The following AUTS2 variants were observed in gnomAD, a reference collection of about 807,000 sequenced individuals.
AUTS2 encodes the protein autism susceptibility gene 2 protein.
A neutral mutation model predicts 112.4 loss-of-function variants in AUTS2; 17 were observed. The ratio of observed to expected loss-of-function variants is 0.15; its 90% CI spans 0.10 to 0.23. AUTS2 has a LOEUF of 0.23. Among genes scored for constraint, AUTS2 ranks in the 10% least tolerant of loss-of-function variants. AUTS2 has a pLI of 1.00. For synonymous variants in AUTS2, 751 were observed against 702.7 expected, an observed-to-expected ratio of 1.07 and a Z score of -1.09; for missense variants, 1,510 against 1,701.6, an observed-to-expected ratio of 0.89 and a Z score of 1.98.
chr7:70,660,176 C>CA (rs893225793), intron 5 of AUTS2, among the ~76,000 whole-genome samples: 266 of 127,490 alleles, frequency 2.1e-3, no homozygotes, highest in Admixed American at 4.5e-3. Context: ...GACTCTGTCT[C>CA]AAAAAAAAAA....
intron 2 of AUTS2, among the ~76,000 whole-genome samples, chr7:70,043,191 G>T (rs1234603109): frequency 6.6e-6 from 1 of 151,988 alleles, no homozygotes; most frequent in South Asian, 2.1e-4. Context: ...GCATAAATGG[G>T]GCAGGTCCAT....
intron 5 of AUTS2, among the ~76,000 whole-genome samples, chr7:70,496,767 C>CACAT (rs1798545643): frequency 6.9e-6 from 1 of 144,470 alleles, no homozygotes; most frequent in African/African-American, 2.6e-5. Flanking sequence ...CCCACTCACA[C>CACAT]CACGTACACA....
intron 2 of AUTS2, among the ~76,000 whole-genome samples, chr7:70,042,025 C>T (rs992735417): frequency 2.0e-5 from 3 of 151,960 alleles, no homozygotes; most frequent in Admixed American, 1.3e-4. Flanking sequence ...ACTTAATGGC[C>T]TCCTTGTAAG....
chr7:70,587,218 G>C (rs1802728118), intron 5 of AUTS2, among the ~76,000 whole-genome samples: 1 of 152,102 alleles, frequency 6.6e-6, no homozygotes, highest in Non-Finnish European at 1.5e-5. Context: ...GCTGGAACAA[G>C]AGGAACATAC....
At chr7:69,914,098 T>C (rs1461694777) in intron 2 of AUTS2, among the ~76,000 whole-genome samples, 1 of 152,134 alleles carries the variant, frequency 6.6e-6, no homozygotes, top group East Asian at 1.9e-4. Flanking sequence ...TTTATAATTA[T>C]AGATTTTTCT....
At chr7:69,760,425 A>G (rs1258714381) in intron 1 of AUTS2, among the ~76,000 whole-genome samples, 8 of 152,058 alleles carry the variant, frequency 5.3e-5, no homozygotes. Flanking sequence ...GGACTTCTTT[A>G]ATATATTTAA....
At chr7:70,582,280 C>G (rs1802487323) in intron 5 of AUTS2, among the ~76,000 whole-genome samples, 2 of 152,174 alleles carry the variant, frequency 1.3e-5, no homozygotes, top group Admixed American at 1.3e-4. Context: ...CGCACTCTTT[C>G]CTCCATCCAC....
chr7:69,992,778 A>C (rs1485142104), intron 2 of AUTS2, among the ~76,000 whole-genome samples: 3 of 152,132 alleles, frequency 2.0e-5, no homozygotes, highest in African/African-American at 7.2e-5. Flanking sequence ...CCAGCTACTT[A>C]GGAGGCTGTG....
At chr7:70,051,307 G>A (rs1179392883) in intron 2 of AUTS2, among the ~76,000 whole-genome samples, 1 of 152,170 alleles carries the variant, frequency 6.6e-6, no homozygotes, top group African/African-American at 2.4e-5. Flanking sequence ...ATCTGTAACA[G>A]TTTTCTTAAC....
At chr7:70,490,911 A>C (rs1231789557) in intron 5 of AUTS2, among the ~76,000 whole-genome samples, 1 of 152,202 alleles carries the variant, frequency 6.6e-6, no homozygotes, top group African/African-American at 2.4e-5. Context: ...ATGGCAGAAG[A>C]AGCTTGCCAA....
chr7:70,561,427 C>A (rs1801480927), intron 5 of AUTS2, among the ~76,000 whole-genome samples: 1 of 152,166 alleles, frequency 6.6e-6, no homozygotes, highest in African/African-American at 2.4e-5. Flanking sequence ...GAGCTTGAGG[C>A]CAGTCTGGGC....
chr7:69,887,451 G>A (rs961672362), intron 1 of AUTS2, among the ~76,000 whole-genome samples: 5 of 150,124 alleles, frequency 3.3e-5, no homozygotes, highest in African/African-American at 1.2e-4. Context: ...GAAACTCAGA[G>A]AAGGTTGCTG....
chr7:70,608,277 A>T (rs548769781), intron 5 of AUTS2, among the ~76,000 whole-genome samples: 134 of 151,736 alleles, frequency 8.8e-4, no homozygotes, highest in Middle Eastern at 3.4e-3. Context: ...CTAATTTTTA[A>T]TTTTTTTTGT....
In AUTS2 at chr7:69,599,869, C is replaced by G; in HGVS notation, c.216C>G (p.Pro72=). 6.2e-7 allele frequency: 1 copy of G among 1,613,412 alleles called. No homozygotes were observed. Among genetic ancestry groups the G allele is most frequent in the Non-Finnish European group, 8.5e-7 (1 of 1,179,930 alleles). Residue 72 remains proline (P), a synonymous_variant, in exon 1 of 19, where the codon CCC becomes CCG. Transcript: ENST00000342771. The surrounding 1 kb of genome is among the most constrained non-coding windows in gnomAD (Gnocchi z 7.0). The part of the protein sequence containing the change: ...PPSSAPSRPR[P]PRRKRRESTS... ...CCTCCGCCCCGTCCCGGCCCAGACC[C>G]CCGCGGAGGAAGCGGAGAGAGTCCA...
chr7:69,962,945 A>T (rs1285898926), intron 2 of AUTS2, among the ~76,000 whole-genome samples: 1 of 152,136 alleles, frequency 6.6e-6, no homozygotes, highest in Non-Finnish European at 1.5e-5. Context: ...AGCACCCATC[A>T]TACCTCTTCA....
At chr7:69,806,443 G>C (rs1349425952) in intron 1 of AUTS2, among the ~76,000 whole-genome samples, 3 of 151,838 alleles carry the variant, frequency 2.0e-5, no homozygotes, top group Non-Finnish European at 4.4e-5. Context: ...AGAGTCTGAT[G>C]AGCTACACTC....
intron 1 of AUTS2, among the ~76,000 whole-genome samples, chr7:69,700,808 T>C (rs1225286365): frequency 6.6e-6 from 1 of 152,198 alleles, no homozygotes; most frequent in African/African-American, 2.4e-5. Flanking sequence ...TATTTGGTGG[T>C]TTTGCGTCCT....
chr7:69,810,647 A>G (rs1314654076), intron 1 of AUTS2, among the ~76,000 whole-genome samples: 1 of 152,100 alleles, frequency 6.6e-6, no homozygotes, highest in Non-Finnish European at 1.5e-5. Context: ...GCATAGATGT[A>G]AAAACCATTG....
intron 1 of AUTS2, among the ~76,000 whole-genome samples, chr7:69,630,474 C>A (rs886327022): frequency 6.6e-6 from 1 of 152,078 alleles, no homozygotes; most frequent in African/African-American, 2.4e-5. Flanking sequence ...CACGAGTAAA[C>A]GTCTGGTTGT....
Sources: allele counts gnomAD v4.1 joint callset (sites outside exome capture counted in the v4.1 genomes callset), GRCh38; gene constraint gnomAD v4.1.1; non-coding constraint Gnocchi (gnomAD v3.1); transcripts MANE v1.5; gene names NCBI Gene and HGNC (gene_info 2026-07-23, HGNC 2026-07-21).